Variants in FGF14 observed in about 807,000 individuals in gnomAD.
FGF14 encodes fibroblast growth factor 14.
Under a neutral mutation model 25.5 loss-of-function variants are expected in FGF14, and 5 were observed. That is an observed-to-expected ratio of 0.20 (90% CI 0.10 to 0.41). The LOEUF is 0.41. Among genes scored for constraint, FGF14 ranks in the 10% least tolerant of loss-of-function variants. The pLI is 1.00. For missense variants in FGF14, 222 were observed against 320.1 expected, an observed-to-expected ratio of 0.69 and a Z score of 2.34; for synonymous variants, 138 against 118.3, an observed-to-expected ratio of 1.17 and a Z score of -1.08.
intron 3 of FGF14, among the ~76,000 whole-genome samples, chr13:101,860,258 G>T (rs2044346253): frequency 6.6e-6 from 1 of 151,834 alleles, no homozygotes; most frequent in South Asian, 2.1e-4. Context: ...ATACCATCTT[G>T]GTGCTCGAGG....
intron 1 of FGF14, among the ~76,000 whole-genome samples, chr13:102,347,488 C>T (rs1363169636): frequency 6.6e-6 from 1 of 152,054 alleles, no homozygotes; most frequent in Non-Finnish European, 1.5e-5. Context: ...TTGACATGGC[C>T]AGGAGGGGGC....
In FGF14 at chr13:102,378,631, C is replaced by CTATCTATA. The variant is rs757841395; in HGVS notation, c.208+22839_208+22840insTATAGATA. ...TCTATCTATCTATCTATCTATCTAT[C>CTATCTATA]TATATATATATATATCTTCTCTTTT... On this transcript the variant is annotated intron_variant, in intron 1 of 4. Transcript: ENST00000376131. Among the ~76,000 whole-genome samples, 1,176 of 141,844 alleles carry CTATCTATA rather than the reference C, an allele frequency of 8.3e-3. 12 individuals carry two copies. Among genetic ancestry groups the CTATCTATA allele is most frequent in the East Asian group, 0.045 (211 of 4,702 alleles). The allele number at this position is 141,844 out of a possible 152,430, so 93.1% of individuals were successfully genotyped here.
intron 1 of FGF14, among the ~76,000 whole-genome samples, chr13:102,058,307 G>C (rs1323871300): frequency 6.6e-6 from 1 of 152,174 alleles, no homozygotes; most frequent in Admixed American, 6.5e-5. Flanking sequence ...GAATAACACG[G>C]AAATAAAATC....
chr13:101,774,239 G>A (rs945793428), intron 3 of FGF14, among the ~76,000 whole-genome samples: 2 of 152,050 alleles, frequency 1.3e-5, no homozygotes, highest in Admixed American at 6.6e-5. Context: ...ACCCATTTTT[G>A]TATGTAGTTC....
At chr13:102,357,804 C>G (rs2057460253) in intron 1 of FGF14, among the ~76,000 whole-genome samples, 2 of 152,118 alleles carry the variant, frequency 1.3e-5, no homozygotes, top group Admixed American at 1.3e-4. Context: ...TGATTATACT[C>G]ACTTTATAAA....
chr13:101,825,694 A>G (rs192901318), intron 3 of FGF14, among the ~76,000 whole-genome samples: 5 of 152,306 alleles, frequency 3.3e-5, no homozygotes, highest in African/African-American at 9.6e-5. Context: ...TAAAATCTAA[A>G]TAAATATTTA....
chr13:102,396,691 A>T (rs1478498272), intron 1 of FGF14, among the ~76,000 whole-genome samples: 1 of 152,246 alleles, frequency 6.6e-6, no homozygotes, highest in Non-Finnish European at 1.5e-5. Context: ...GCTGTCTAAG[A>T]TGAGAACAAG....
At chr13:101,879,516 A>C (rs920288447) in intron 1 of FGF14, among the ~76,000 whole-genome samples, 1 of 152,202 alleles carries the variant, frequency 6.6e-6, no homozygotes, top group African/African-American at 2.4e-5. Flanking sequence ...CACCGTCATA[A>C]ATGGTTTTCA....
At chr13:102,224,422 G>A (rs1037912677) in intron 1 of FGF14, among the ~76,000 whole-genome samples, 8 of 152,068 alleles carry the variant, frequency 5.3e-5, no homozygotes, top group Non-Finnish European at 8.8e-5. Context: ...TGTGCTCAGG[G>A]TTATAGGGGT....
chr13:101,916,696 C>T lies in FGF14; in HGVS notation c.-51G>A. The T allele has an allele frequency of 7.0e-7, 1 of 1,428,036 alleles. No individual in the cohort carries two copies. Among genetic ancestry groups the T allele is most frequent in the Non-Finnish European group, 9.2e-7 (1 of 1,081,888 alleles). 88.5% of individuals were successfully genotyped at this position (1,428,036 alleles called of 1,614,324 possible). A position where few individuals can be genotyped will look rare whatever the true frequency, so the allele number is the denominator to read the frequency against. On this transcript the variant is annotated 5_prime_UTR_variant, in exon 1 of 5. Transcript: ENST00000376143. ...AGGGAGGGCGCGGGAGGACGGCGAG[C>T]CGGGGGCACCGGAGGGGAAGGCGGC...
intron 1 of FGF14, among the ~76,000 whole-genome samples, chr13:102,031,919 G>C (rs559164388): frequency 2.6e-5 from 4 of 152,138 alleles, no homozygotes; most frequent in African/African-American, 9.6e-5. Flanking sequence ...CAGGTTTTAA[G>C]AGTAACAACA....
At chr13:101,812,138 G>A (rs951723853) in intron 3 of FGF14, among the ~76,000 whole-genome samples, 1 of 152,136 alleles carries the variant, frequency 6.6e-6, no homozygotes, top group Non-Finnish European at 1.5e-5. Flanking sequence ...ATGAAAAGAT[G>A]TCATTCTTCC....
intron 1 of FGF14, among the ~76,000 whole-genome samples, chr13:102,374,950 G>A (rs1032472093): frequency 6.6e-6 from 1 of 151,892 alleles, no homozygotes; most frequent in Non-Finnish European, 1.5e-5. Flanking sequence ...TATGTGAGAT[G>A]TGAGAGAATT....
intron 1 of FGF14, among the ~76,000 whole-genome samples, chr13:102,131,206 A>G (rs1037863204): frequency 5.9e-5 from 9 of 152,186 alleles, no homozygotes; most frequent in African/African-American, 2.2e-4. Flanking sequence ...TGAGCAGCTG[A>G]AAAATTGGGA....
chr13:101,890,919 A>T (rs972893869), intron 1 of FGF14, among the ~76,000 whole-genome samples: 1 of 151,946 alleles, frequency 6.6e-6, no homozygotes, highest in Non-Finnish European at 1.5e-5. Flanking sequence ...CTTACCTTTC[A>T]AGAGCCTTTT....
intron 1 of FGF14, among the ~76,000 whole-genome samples, chr13:101,962,638 T>C (rs1016566810): frequency 6.6e-6 from 1 of 152,202 alleles, no homozygotes; most frequent in Non-Finnish European, 1.5e-5. Flanking sequence ...AATTGTAAAA[T>C]AAATTATACA....
At chr13:101,791,234 C>T (rs1566906853) in intron 3 of FGF14, among the ~76,000 whole-genome samples, 4 of 152,050 alleles carry the variant, frequency 2.6e-5, no homozygotes, top group African/African-American at 7.2e-5. Flanking sequence ...TTGTGAGGCT[C>T]AAATGAAAAT....
intron 3 of FGF14, among the ~76,000 whole-genome samples, chr13:101,771,879 AACTCTCAAGTTAAGTACTTGT>A (rs1358997632): frequency 2.0e-5 from 3 of 151,980 alleles, no homozygotes; most frequent in Admixed American, 6.6e-5. Context: ...AGTTTAGACA[AACTCTCAAGTTAAGTACTTGT>A]ACCACCTTTC....
intron 1 of FGF14, among the ~76,000 whole-genome samples, chr13:102,353,463 TG>T (rs2057343408): frequency 6.6e-6 from 1 of 152,200 alleles, no homozygotes; most frequent in Admixed American, 6.5e-5. Flanking sequence ...GATACCCAAC[TG>T]CCTTCTGAAA....
Sources: allele counts gnomAD v4.1 joint callset (sites outside exome capture counted in the v4.1 genomes callset), GRCh38; gene constraint gnomAD v4.1.1; transcripts MANE v1.5; gene names NCBI Gene and HGNC (gene_info 2026-07-23, HGNC 2026-07-21).